The following DIP2C variants were observed in gnomAD, a reference collection of about 807,000 sequenced individuals.
DIP2C encodes the protein DIP2 acetate--CoA ligase C (putative).
Under a neutral mutation model 192.4 loss-of-function variants are expected in DIP2C, and 33 were observed. The observed-to-expected ratio is 0.17, with a 90% confidence interval of 0.13 to 0.23. The LOEUF (loss-of-function observed/expected upper bound fraction) is 0.23. Among genes scored for constraint, DIP2C ranks in the 10% least tolerant of loss-of-function variants. The pLI, the probability that DIP2C is intolerant of heterozygous loss-of-function variation, is 1.00. For synonymous variants in DIP2C, 979 were observed against 864.1 expected, an observed-to-expected ratio of 1.13 and a Z score of -2.33; for missense variants, 1,537 against 2,110.1, an observed-to-expected ratio of 0.73 and a Z score of 5.32.
chr10:581,959 C>T (rs976515272), intron 1 of DIP2C, among the ~76,000 whole-genome samples: 1 of 152,070 alleles, frequency 6.6e-6, no homozygotes, highest in Non-Finnish European at 1.5e-5. Context: ...GAAACCGTTC[C>T]ACCTCAGGTC....
chr10:531,786 G>A (rs1204359497), intron 1 of DIP2C, among the ~76,000 whole-genome samples: 2 of 152,330 alleles, frequency 1.3e-5, no homozygotes, highest in East Asian at 3.9e-4. Flanking sequence ...ACAAACAGCT[G>A]CCTCGACGGG....
intron 1 of DIP2C, among the ~76,000 whole-genome samples, chr10:576,926 A>C (rs1321023984): frequency 6.6e-6 from 1 of 152,196 alleles, no homozygotes; most frequent in Non-Finnish European, 1.5e-5. Flanking sequence ...TAATAAAAAA[A>C]AAAATAAGAG....
chr10:460,071 G>A (rs1273522744), intron 3 of DIP2C, among the ~76,000 whole-genome samples: 1 of 149,922 alleles, frequency 6.7e-6, no homozygotes, highest in African/African-American at 2.5e-5. Context: ...TCCTCCCACA[G>A]TCACATCAAG....
At chr10:486,310 C>T in intron 2 of DIP2C, 149 bp downstream of exon 2, 1 of 659,894 alleles carries the variant, frequency 1.5e-6, no homozygotes, top group Non-Finnish European at 2.6e-6. Flanking sequence ...CGTGTGATCA[C>T]TCAAAGGAAC....
At chr10:633,364 G>A (rs1854639621) in intron 1 of DIP2C, among the ~76,000 whole-genome samples, 1 of 152,238 alleles carries the variant, frequency 6.6e-6, no homozygotes, top group Non-Finnish European at 1.5e-5. Flanking sequence ...CGGTGCCATA[G>A]AGCAGACGGG....
intron 1 of DIP2C, among the ~76,000 whole-genome samples, chr10:595,059 C>A (rs904746035): frequency 5.3e-5 from 8 of 152,224 alleles, no homozygotes; most frequent in African/African-American, 1.9e-4. Flanking sequence ...CATCCACCGA[C>A]CCGCAGGTCT....
At chr10:596,709 A>C (rs938865930) in intron 1 of DIP2C, among the ~76,000 whole-genome samples, 1 of 152,068 alleles carries the variant, frequency 6.6e-6, no homozygotes, top group Non-Finnish European at 1.5e-5. Context: ...TAGGGAACAG[A>C]TGCTGCGGGA....
At chr10:340,485 A>C (rs1958090738) in intron 29 of DIP2C, among the ~76,000 whole-genome samples, 1 of 152,206 alleles carries the variant, frequency 6.6e-6, no homozygotes, top group South Asian at 2.1e-4. Flanking sequence ...GCTCCATTAG[A>C]AAATGAACTC....
intron 1 of DIP2C, among the ~76,000 whole-genome samples, chr10:597,776 A>T (rs1476052728): frequency 2.0e-5 from 3 of 152,148 alleles, no homozygotes; most frequent in African/African-American, 7.2e-5. Flanking sequence ...GGTTAAAGAG[A>T]ATAACGTCAC....
At chr10:597,312 T>C (rs1470932547) in intron 1 of DIP2C, among the ~76,000 whole-genome samples, 1 of 152,208 alleles carries the variant, frequency 6.6e-6, no homozygotes, top group African/African-American at 2.4e-5. Context: ...TGGGGCTTCT[T>C]GGCCTCCGTA....
chr10:467,192 A>G (rs1032818715), intron 3 of DIP2C, among the ~76,000 whole-genome samples: 9 of 152,226 alleles, frequency 5.9e-5, no homozygotes, highest in African/African-American at 2.2e-4. Context: ...ACCATGGAAT[A>G]CTATGCAGCC....
intron 17 of DIP2C, among the ~76,000 whole-genome samples, chr10:372,473 G>A (rs1337500460): frequency 6.6e-6 from 1 of 152,180 alleles, no homozygotes; most frequent in African/African-American, 2.4e-5. Flanking sequence ...TTTGCTATAG[G>A]AACTTTTCAG....
intron 1 of DIP2C, among the ~76,000 whole-genome samples, chr10:566,395 C>G (rs546271253): frequency 6.6e-6 from 1 of 152,312 alleles, no homozygotes; most frequent in South Asian, 2.1e-4. Context: ...GTGCATGAGC[C>G]GCTGACCCAC....
intron 1 of DIP2C, among the ~76,000 whole-genome samples, chr10:625,646 G>A (rs964108351): frequency 2.0e-5 from 3 of 152,110 alleles, no homozygotes; most frequent in African/African-American, 4.8e-5. Context: ...AGCCATGCAC[G>A]GCCTCACGCA....
intron 1 of DIP2C, among the ~76,000 whole-genome samples, chr10:488,759 G>A (rs114442326): frequency 1.9e-3 from 289 of 152,358 alleles, no homozygotes; most frequent in African/African-American, 6.5e-3. Flanking sequence ...CTTGCGTGAT[G>A]TCGTGGATGA....
intron 1 of DIP2C, among the ~76,000 whole-genome samples, chr10:559,291 G>A (rs978474589): frequency 2.6e-5 from 4 of 151,850 alleles, no homozygotes; most frequent in East Asian, 1.9e-4. Flanking sequence ...GACAAGCCTC[G>A]GCCTGGAACA....
intron 1 of DIP2C, chr10:665,809 G>A (rs1019375879): frequency 6.6e-6 from 1 of 151,960 alleles, no homozygotes. Context: ...ATACGAGATC[G>A]AAAGGAAAAC....
At chr10:619,082 GACAT>G (rs1322048171) in intron 1 of DIP2C, among the ~76,000 whole-genome samples, 1 of 152,276 alleles carries the variant, frequency 6.6e-6, no homozygotes, top group Admixed American at 6.5e-5. Context: ...GTGGCAGGCG[GACAT>G]ACCTTCAGTT....
chr10:500,914 T>C (rs1845183528), intron 1 of DIP2C, among the ~76,000 whole-genome samples: 1 of 152,186 alleles, frequency 6.6e-6, no homozygotes, highest in African/African-American at 2.4e-5. Flanking sequence ...CCTTGCTGTG[T>C]AAAATAATGG....
Sources: gnomAD v4.1 joint callset for allele counts (sites outside exome capture counted in the v4.1 genomes callset) on GRCh38, gnomAD v4.1.1 for gene constraint, MANE v1.5 for transcripts, NCBI Gene and HGNC (gene_info 2026-07-23, HGNC 2026-07-21) for gene names.